The following RNGTT variants were observed in gnomAD, a reference collection of about 807,000 sequenced individuals.
The protein encoded by RNGTT is mRNA-capping enzyme.
RNGTT carries 33 observed loss-of-function variants against 79.3 expected under a neutral mutation model. The ratio of observed to expected loss-of-function variants is 0.42; its 90% CI spans 0.32 to 0.56. The LOEUF (loss-of-function observed/expected upper bound fraction) is 0.56, where lower values mean the gene tolerates loss of function less well. RNGTT is among the 20% of genes least tolerant of loss of function. RNGTT has a pLI of 0.17. For synonymous variants in RNGTT, 222 were observed against 235.9 expected (o/e 0.94, Z 0.54); for missense variants, 497 against 739.1 (o/e 0.67, Z 3.80).
chr6:88,959,221 G>T (rs548908589), intron 1 of RNGTT, among the ~76,000 whole-genome samples: 1 of 148,532 alleles, frequency 6.7e-6, no homozygotes, highest in Non-Finnish European at 1.5e-5. Context: ...AGTGTGGAGA[G>T]GGGGGATGAG....
At chr6:88,830,502 T>A (rs1241359912) in intron 11 of RNGTT, among the ~76,000 whole-genome samples, 2 of 150,472 alleles carry the variant, frequency 1.3e-5, no homozygotes, top group African/African-American at 4.9e-5. Flanking sequence ...CACCCTAACA[T>A]CACAATTAAA....
chr6:88,758,330 C>T (rs1320379741), intron 13 of RNGTT, among the ~76,000 whole-genome samples: 1 of 152,096 alleles, frequency 6.6e-6, no homozygotes, highest in African/African-American at 2.4e-5. Flanking sequence ...TCACTGAATA[C>T]ACTCCAGTGC....
chr6:88,665,426 C>T (rs549948395), intron 14 of RNGTT, among the ~76,000 whole-genome samples: 1 of 152,286 alleles, frequency 6.6e-6, no homozygotes, highest in Admixed American at 6.5e-5. Flanking sequence ...GGAACACCCC[C>T]CTCCTACCTG....
At chr6:88,775,671 G>C (rs1253491253) in intron 12 of RNGTT, among the ~76,000 whole-genome samples, 1 of 152,048 alleles carries the variant, frequency 6.6e-6, no homozygotes, top group Non-Finnish European at 1.5e-5. Flanking sequence ...TTACCAACTG[G>C]GTTTGTTTCT....
intron 1 of RNGTT, among the ~76,000 whole-genome samples, chr6:88,962,995 T>C (rs1785691354): frequency 6.6e-6 from 1 of 152,078 alleles, no homozygotes. Flanking sequence ...TCAATACTGA[T>C]ATTCATCCCT....
At chr6:88,816,201 T>C (rs1780309441) in intron 11 of RNGTT, among the ~76,000 whole-genome samples, 1 of 152,192 alleles carries the variant, frequency 6.6e-6, no homozygotes, top group African/African-American at 2.4e-5. Context: ...CTTTAAAGAA[T>C]ACTGACTTTC....
intron 13 of RNGTT, among the ~76,000 whole-genome samples, chr6:88,684,599 A>G (rs890224422): frequency 2.6e-5 from 4 of 152,234 alleles, no homozygotes; most frequent in Non-Finnish European, 5.9e-5. Context: ...AAGTAACAGT[A>G]TAAGAAGTCA....
chr6:88,745,606 A>C (rs1348945974), intron 13 of RNGTT, among the ~76,000 whole-genome samples: 5 of 152,208 alleles, frequency 3.3e-5, no homozygotes, highest in African/African-American at 1.2e-4. Flanking sequence ...AAATTTAATT[A>C]CATGTGTGAC....
At chr6:88,637,723 T>C (rs950877868) in intron 14 of RNGTT, among the ~76,000 whole-genome samples, 6 of 152,098 alleles carry the variant, frequency 3.9e-5, no homozygotes, top group Admixed American at 2.0e-4. Flanking sequence ...CCTAATGATC[T>C]GAATCCCAAG....
intron 9 of RNGTT, among the ~76,000 whole-genome samples, chr6:88,850,902 T>C (rs945960587): frequency 6.6e-6 from 1 of 152,000 alleles, no homozygotes; most frequent in Non-Finnish European, 1.5e-5. Context: ...AAGAATATTA[T>C]ATTGAACAGT....
intron 14 of RNGTT, among the ~76,000 whole-genome samples, chr6:88,627,506 T>C (rs1203067345): frequency 6.6e-6 from 1 of 152,136 alleles, no homozygotes; most frequent in Non-Finnish European, 1.5e-5. Context: ...TATTCACCTC[T>C]GCCTTTCTTA....
intron 8 of RNGTT, among the ~76,000 whole-genome samples, chr6:88,869,543 T>G (rs140732825): frequency 5.0e-4 from 76 of 152,252 alleles, no homozygotes; most frequent in Admixed American, 4.3e-3. Flanking sequence ...GAGTTTGGGT[T>G]ACAGGGTTAT....
rs547855800 is a variant in RNGTT at position 88,610,519 on chromosome 6, C to T, written c.*2200G>A. 1 of 152,350 alleles carries T rather than the reference C, an allele frequency of 6.6e-6. No homozygotes were observed. The highest frequency in any genetic ancestry group is 2.1e-4 in the South Asian group (1 of 4,834). The allele number at this position is 152,350 out of a possible 1,614,324, so 9.4% of individuals were successfully genotyped here. On this transcript the variant is annotated 3_prime_UTR_variant, in exon 16 of 16. Transcript: ENST00000369485. ...TATTGAAGTGAGCTGAGAAGGAGCACATTTCCTTCACAATGTCCAAAATCC... is the reference window on the plus strand; with the variant it reads ...TATTGAAGTGAGCTGAGAAGGAGCATATTTCCTTCACAATGTCCAAAATCC...
At chr6:88,614,488 T>C in intron 14 of RNGTT, 93 bp from the exon 15 acceptor site, 2 of 1,201,346 alleles carry the variant, frequency 1.7e-6, no homozygotes, top group African/African-American at 1.5e-5. Context: ...ATGATAAAAA[T>C]ACCTCAGTAA....
intron 8 of RNGTT, 38 bp downstream of exon 8, chr6:88,890,457 A>G: frequency 1.6e-6 from 2 of 1,248,948 alleles, no homozygotes; most frequent in Non-Finnish European, 2.3e-6. Flanking sequence ...TTCAAGCATT[A>G]GGGTTATTTG....
chr6:88,874,639 G>C (rs1782459379), intron 8 of RNGTT, among the ~76,000 whole-genome samples: 1 of 151,202 alleles, frequency 6.6e-6, no homozygotes. Flanking sequence ...AATGAGTTAA[G>C]AAAGTATCAC....
chr6:88,930,111 T>C (rs1582143714), intron 2 of RNGTT, among the ~76,000 whole-genome samples: 1 of 143,884 alleles, frequency 7.0e-6, no homozygotes, highest in Non-Finnish European at 1.5e-5. Context: ...TACATATACG[T>C]GTATACATAT....
chr6:88,913,524 T>A (rs2127946986), intron 4 of RNGTT, among the ~76,000 whole-genome samples: 1 of 152,300 alleles, frequency 6.6e-6, no homozygotes, highest in Admixed American at 6.5e-5. Flanking sequence ...TCAAGCAAAC[T>A]TTGTTCCTGG....
rs143615839 is a variant in RNGTT, at chr6:88,952,028, C to T, written c.65-10848G>A. Among the ~76,000 whole-genome samples, 186 of 152,220 alleles carry T rather than the reference C, an allele frequency of 1.2e-3. 2 individuals carry two copies. The highest frequency in any genetic ancestry group is 4.3e-3 in the African/African-American group (180 of 41,530). On this transcript the variant is annotated intron_variant, in intron 1 of 15. Transcript: ENST00000369485. The stretch of plus-strand genomic sequence containing the variant: ...AGGGGTAGGGCCTGAAAGCCATGCT[C>T]GCTTTCTCAGTGGGGAAACTTACAT...
Sources: allele counts gnomAD v4.1 joint callset (sites outside exome capture counted in the v4.1 genomes callset), GRCh38; gene constraint gnomAD v4.1.1; transcripts MANE v1.5; gene names NCBI Gene and HGNC (gene_info 2026-07-23, HGNC 2026-07-21).